The following CEP41 variants were observed in gnomAD, a reference collection of about 807,000 sequenced individuals.
The protein encoded by CEP41 is centrosomal protein of 41 kDa.
CEP41 carries 32 observed loss-of-function variants against 44.3 expected under a neutral mutation model. That is an observed-to-expected ratio of 0.72 (90% CI 0.54 to 0.97). CEP41 has a LOEUF of 0.97. Ranked by LOEUF, CEP41 falls within the 50% of genes least tolerant of loss-of-function variation. CEP41 has a pLI of 0.00. For missense variants in CEP41, 432 were observed against 455.2 expected, an observed-to-expected ratio of 0.95 and a Z score of 0.46; for synonymous variants, 151 against 168.5, an observed-to-expected ratio of 0.90 and a Z score of 0.80.
Position 130,396,771 on chromosome 7 carries a change from G to C in CEP41, c.*2120C>G, listed in dbSNP as rs187578902. The C allele has an allele frequency of 6.4e-4, 291 of 454,262 alleles. No homozygotes were observed. The highest frequency in any genetic ancestry group is 5.3e-3 in the African/African-American group (268 of 50,136). 28.1% of individuals were successfully genotyped at this position (454,262 alleles called of 1,614,324 possible). ...TTACCAACAGGGCAAAGCAAGCACTGTGGAGAAATACACATAAATATATCC... is the reference window on the plus strand; with the variant it reads ...TTACCAACAGGGCAAAGCAAGCACTCTGGAGAAATACACATAAATATATCC... On this transcript the variant is annotated 3_prime_UTR_variant, in exon 11 of 11. Transcript: ENST00000223208.
chr7:130,421,469 C>T (rs1554422196), intron 2 of CEP41: 1 of 984,432 alleles, frequency 1.0e-6, no homozygotes, highest in African/African-American at 1.7e-5. Flanking sequence ...TTTATAAAAG[C>T]CTTTCACATA....
rs1197143465 is a variant in CEP41 at position 130,396,242 on chromosome 7, A to G, written c.*2649T>C. 2.2e-6 allele frequency: 1 copy of G among 454,018 alleles called. No individual in the cohort carries two copies. Among genetic ancestry groups the G allele is most frequent in the African/African-American group, 2.0e-5 (1 of 50,014 alleles). The allele number at this position is 454,018 out of a possible 1,614,324, so 28.1% of individuals were successfully genotyped here. A position where few individuals can be genotyped will look rare whatever the true frequency, so the allele number is the denominator to read the frequency against. On this transcript the variant is annotated 3_prime_UTR_variant, in exon 11 of 11. Coordinates refer to ENST00000223208, the MANE Select transcript of CEP41 (RefSeq NM_018718.3). Reference sequence around the variant, plus strand: ...CTGTCTCAGGGTTCACAAGCCCCAGACAAGGGCAGCTAGTCAACCCCTGAG... The same window carrying G: ...CTGTCTCAGGGTTCACAAGCCCCAGGCAAGGGCAGCTAGTCAACCCCTGAG...
Position 130,397,776 on chromosome 7 carries a change from T to G in CEP41, c.*1115A>C. ...TGTTCCCCCAATTAAATGGAATGAATGTCAGTCATTTAGCAATTCAATTAA... is the reference window on the plus strand; with the variant it reads ...TGTTCCCCCAATTAAATGGAATGAAGGTCAGTCATTTAGCAATTCAATTAA... On this transcript the variant is annotated 3_prime_UTR_variant, in exon 11 of 11. Coordinates refer to ENST00000223208, the MANE Select transcript of CEP41 (RefSeq NM_018718.3). 2.2e-6 allele frequency: 1 copy of G among 447,954 alleles called. No individual in the cohort carries two copies. The highest frequency in any genetic ancestry group is 4.5e-6 in the Non-Finnish European group (1 of 222,076). The allele number at this position is 447,954 out of a possible 1,614,324, so 27.7% of individuals were successfully genotyped here.
intron 2 of CEP41, among the ~76,000 whole-genome samples, chr7:130,426,462 A>C (rs1797666659): frequency 6.6e-6 from 1 of 151,754 alleles, no homozygotes; most frequent in Non-Finnish European, 1.5e-5. Context: ...AAAACAAACT[A>C]TGAAGGCATA....
At chr7:130,423,683 A>G (rs1375876083) in intron 2 of CEP41, among the ~76,000 whole-genome samples, 3 of 152,266 alleles carry the variant, frequency 2.0e-5, no homozygotes, top group African/African-American at 7.2e-5. Context: ...TCTTAGCAGC[A>G]CTATGTCCAG....
At chr7:130,406,352 G>C (rs1797007586) in intron 5 of CEP41, among the ~76,000 whole-genome samples, 1 of 152,160 alleles carries the variant, frequency 6.6e-6, no homozygotes, top group Admixed American at 6.5e-5. Context: ...GGGAGGCTGA[G>C]GCGGGTGGAT....
At chr7:130,441,190 T>C (rs1554427829), upstream of CEP41, 2 of 684,994 alleles carry the variant, frequency 2.9e-6, no homozygotes, top group Admixed American at 4.1e-5. Context: ...GGACGCCGGC[T>C]AGCGAGGCCT....
Position 130,394,190 on chromosome 7 carries a change from G to A in CEP41, c.*4701C>T. On this transcript the variant is annotated 3_prime_UTR_variant, in exon 11 of 11. Coordinates refer to ENST00000223208, the MANE Select transcript of CEP41 (RefSeq NM_018718.3). ...CCCAGAGTGAGAAGCATAGAGCGGA[G>A]TGGCTGAAAGAACACCCTCTGGAGC... is the stretch of plus-strand genomic sequence containing the variant. The A allele has an allele frequency of 2.2e-6, 1 of 454,078 alleles. No homozygotes were observed. Among genetic ancestry groups the A allele is most frequent in the South Asian group, 1.6e-5 (1 of 64,466 alleles). 28.1% of individuals were successfully genotyped at this position (454,078 alleles called of 1,614,324 possible).
At chr7:130,421,859 A>T in intron 2 of CEP41, 1 of 1,475,792 alleles carries the variant, frequency 6.8e-7, no homozygotes, top group Non-Finnish European at 9.0e-7. Flanking sequence ...CAGTGCTGCA[A>T]AACAGAAACC....
At position 130,410,909 on chromosome 7, in the gene CEP41, CTG is replaced by C. The variant is rs548379932; in HGVS notation, c.277+211_277+212del. 1.8e-5 allele frequency: 11 copies of C among 612,954 alleles called. No individual in the cohort carries two copies. In the South Asian group the frequency reaches 2.1e-4, roughly 12 times the overall value. The allele number at this position is 612,954 out of a possible 1,614,324, so 38.0% of individuals were successfully genotyped here. A position where few individuals can be genotyped will look rare whatever the true frequency, so the allele number is the denominator to read the frequency against. On this transcript the variant is annotated intron_variant, in intron 5 of 10. Transcript: ENST00000223208. The stretch of plus-strand genomic sequence containing the variant: ...TTAAACACATCTAAAACATTTAAAA[CTG>C]TAAGTGTTAGAGTCAGAAAACCAGA...
chr7:130,438,560 A>AAAAT (rs1332378302), intron 1 of CEP41, among the ~76,000 whole-genome samples: 6 of 152,158 alleles, frequency 3.9e-5, no homozygotes, highest in Admixed American at 6.5e-5. Context: ...CTCTGTCTCA[A>AAAAT]AAATAAATAA....
Position 130,400,691 on chromosome 7 carries a change from G to A in CEP41, c.757+16C>T. 1.3e-6 allele frequency: 2 copies of A among 1,518,550 alleles called. No homozygotes were observed. The highest frequency in any genetic ancestry group is 1.8e-4 in the Middle Eastern group (1 of 5,514). 94.1% of individuals were successfully genotyped at this position (1,518,550 alleles called of 1,614,324 possible). ...ATCAGCCTTTGAAGTCCCAAGCAGA[G>A]TATCACCTTGCTCACCTCCGGAAAG... On this transcript the variant is annotated intron_variant, in intron 9 of 10. Coordinates refer to ENST00000223208, the MANE Select transcript of CEP41 (RefSeq NM_018718.3).
intron 3 of CEP41, 112 bp downstream of exon 3, chr7:130,416,807 C>T (rs1314219735): frequency 3.5e-6 from 3 of 864,532 alleles, no homozygotes; most frequent in Non-Finnish European, 6.0e-6. Context: ...CTTATCGGAC[C>T]ATCCATAGCT....
In CEP41 at chr7:130,410,057, G is replaced by T. The variant is rs545289804; in HGVS notation, c.277+1065C>A. Among the ~76,000 whole-genome samples the T allele has an allele frequency of 3.0e-3, 145 of 47,892 alleles. 1 individual carries two copies. The highest frequency in any genetic ancestry group is 0.012 in the African/African-American group (126 of 10,776). The allele number at this position is 47,892 out of a possible 152,430, so 31.4% of individuals were successfully genotyped here. ...TTTTTTTTTTTTGAGACAGAGTCTT[G>T]CTGTGTTGCCCAGGCTGGAGTGCAA... is the stretch of plus-strand genomic sequence containing the variant. On this transcript the variant is annotated intron_variant, in intron 5 of 10. Transcript: ENST00000223208.
intron 1 of CEP41, among the ~76,000 whole-genome samples, chr7:130,430,622 A>G (rs1797796370): frequency 6.6e-6 from 1 of 152,232 alleles, no homozygotes; most frequent in African/African-American, 2.4e-5. Flanking sequence ...CCAGAGACAG[A>G]CAATATCATG....
At chr7:130,421,972 G>T (rs782339515) in intron 2 of CEP41, 18 of 1,535,806 alleles carry the variant, frequency 1.2e-5, no homozygotes, top group Admixed American at 2.0e-5. Flanking sequence ...GCACAGTCTG[G>T]CAGTGCTGGG....
chr7:130,404,742 A>G lies in CEP41; in HGVS notation c.278-34T>C, dbSNP rs559422657. 5.0e-5 allele frequency: 76 copies of G among 1,526,790 alleles called. 1 individual carries two copies. In the Middle Eastern group the frequency reaches 7.5e-4, roughly 15 times the overall value. 94.6% of individuals were successfully genotyped at this position (1,526,790 alleles called of 1,614,324 possible). On this transcript the variant is annotated intron_variant, in intron 5 of 10. Coordinates refer to ENST00000223208, the MANE Select transcript of CEP41 (RefSeq NM_018718.3). ...TACAAATGAAGAAATAATTAGATTG[A>G]ACCTCAGGATTTGTATTTACTTATT... is the stretch of plus-strand genomic sequence containing the variant.
At chr7:130,413,394 ACAACTAATAATACAAATCC>A (rs1301981009) in intron 3 of CEP41, among the ~76,000 whole-genome samples, 1 of 152,196 alleles carries the variant, frequency 6.6e-6, no homozygotes, top group Admixed American at 6.5e-5. Flanking sequence ...AATACAAAAT[ACAACTAATAATACAAATCC>A]CAACTAATAA....
chr7:130,399,860 T>C, intron 10 of CEP41, 179 bp downstream of exon 10: 1 of 625,106 alleles, frequency 1.6e-6, no homozygotes. Flanking sequence ...AAGTCTCTCT[T>C]CAATGCGTAA....
Sources: gnomAD v4.1 joint callset for allele counts (sites outside exome capture counted in the v4.1 genomes callset) on GRCh38, gnomAD v4.1.1 for gene constraint, MANE v1.5 for transcripts, NCBI Gene and HGNC (gene_info 2026-07-23, HGNC 2026-07-21) for gene names.